Variants in TRPM3 observed in about 807,000 individuals in gnomAD.
The protein encoded by TRPM3 is long transient receptor potential channel 3.
Under a neutral mutation model 181.2 loss-of-function variants are expected in TRPM3, and 77 were observed. The observed-to-expected ratio is 0.42, with a 90% CI of 0.35 to 0.51. TRPM3 has a LOEUF of 0.51. TRPM3 is among the 20% of genes least tolerant of loss of function. TRPM3 has a pLI of 0.01. For missense variants in TRPM3, 1,759 were observed against 2,196.7 expected, an observed-to-expected ratio of 0.80 and a Z score of 3.98; for synonymous variants, 745 against 796.4, an observed-to-expected ratio of 0.94 and a Z score of 1.09.
chr9:70,635,258 G>A lies in TRPM3; in HGVS notation c.1585C>T (p.His529Tyr). The A allele has an allele frequency of 2.5e-6, 4 of 1,613,774 alleles. No individual in the cohort carries two copies. The highest frequency in any genetic ancestry group is 3.4e-6 in the Non-Finnish European group (4 of 1,179,790). The change falls in exon 12 of 26, where the codon CAT (histidine) becomes TAT (tyrosine). Residue 529 changes from histidine to tyrosine, a missense_variant. Physicochemically the swap from His to Tyr is moderately conservative, Grantham distance 83. Around this residue, in one of 8 missense-constraint regions of TRPM3, gnomAD observed 737 missense variants for 957.4 expected, o/e 0.77. Transcript: ENST00000677713. ...SRLEELYNTR[H>Y]GPSNTLYHLV... ...TGGTACAATGTATTTGAGGGCCCAT[G>A]TCTCTGAAAACAATAAAGAAGAATC...
intron 7 of TRPM3, chr9:70,776,273 A>C (rs191269769): frequency 1.3e-5 from 7 of 524,286 alleles, no homozygotes; most frequent in Admixed American, 3.9e-5. Context: ...GTGGGAGGTT[A>C]GGACTCTTTA....
rs1414687868 is a variant in TRPM3 at position 71,150,388 on chromosome 9, A to G, written c.184-285877T>C. 2.0e-5 allele frequency among the ~76,000 whole-genome samples: 3 copies of G among 152,286 alleles called. No homozygotes were observed. In the East Asian group the frequency reaches 5.8e-4, roughly 29 times the overall value. ...TGACCCAGATGAGCAGAGTATATAAATATCTTAACGGGTAAAAATTAAATT... is the reference window on the plus strand; with the variant it reads ...TGACCCAGATGAGCAGAGTATATAAGTATCTTAACGGGTAAAAATTAAATT... On this transcript the variant is annotated intron_variant, in intron 1 of 24. Transcript: ENST00000357533.
chr9:71,380,306 G>T (rs1194261508), intron 1 of TRPM3, among the ~76,000 whole-genome samples: 1 of 151,770 alleles, frequency 6.6e-6, no homozygotes, highest in African/African-American at 2.4e-5. Context: ...AGAAAACAAT[G>T]ATTAAAAAAA....
intron 1 of TRPM3, among the ~76,000 whole-genome samples, chr9:71,199,427 G>A (rs1464491627): frequency 6.6e-6 from 1 of 152,100 alleles, no homozygotes; most frequent in African/African-American, 2.4e-5. Context: ...TCTATGGATT[G>A]GAATAGTTTC....
rs1220456373 is a variant in TRPM3, at chr9:70,537,262, C to T, written c.3851G>A (p.Gly1284Asp). 6.3e-7 allele frequency: 1 copy of T among 1,589,798 alleles called. No homozygotes were observed. Among genetic ancestry groups the T allele is most frequent in the Non-Finnish European group, 8.6e-7 (1 of 1,163,422 alleles). Residue 1284 changes from glycine to aspartate, a missense_variant, in exon 26 of 26, where the codon GGT becomes GAT. By Grantham distance (94) the Gly-to-Asp change is moderately conservative (BLOSUM62 -1). Coordinates refer to ENST00000677713, the MANE Select transcript of TRPM3 (RefSeq NM_001366145.2). The part of the protein sequence containing the change: ...RMATALERLT[G>D]LERAESNKIR... ...TTTGTTGGACTCGGCCCGCTCCAGA[C>T]CTGTCAGGCGCTCCAGGGCCGTGGC... is the stretch of plus-strand genomic sequence containing the variant.
chr9:70,905,503 A>G (rs2096451161), intron 1 of TRPM3, among the ~76,000 whole-genome samples: 1 of 152,228 alleles, frequency 6.6e-6, no homozygotes, highest in African/African-American at 2.4e-5. Flanking sequence ...TAATTATACA[A>G]TTATATTATT....
intron 1 of TRPM3, among the ~76,000 whole-genome samples, chr9:70,909,348 G>A (rs546411995): frequency 6.6e-6 from 1 of 152,266 alleles, no homozygotes; most frequent in Non-Finnish European, 1.5e-5. Flanking sequence ...GCCTTTACAA[G>A]TAGCCTCTAG....
At chr9:70,698,036 C>A (rs927228618) in intron 8 of TRPM3, among the ~76,000 whole-genome samples, 22 of 151,808 alleles carry the variant, frequency 1.4e-4, no homozygotes, top group Admixed American at 1.4e-3. Context: ...GGTGAAACCC[C>A]GACTCTACTA....
At chr9:71,148,933 T>C (rs1055946488) in intron 1 of TRPM3, among the ~76,000 whole-genome samples, 1 of 152,076 alleles carries the variant, frequency 6.6e-6, no homozygotes, top group Non-Finnish European at 1.5e-5. Context: ...GTGATGGTAG[T>C]GACTGTAGGC....
chr9:70,657,550 C>T (rs181857428), intron 9 of TRPM3, among the ~76,000 whole-genome samples: 2 of 152,058 alleles, frequency 1.3e-5, no homozygotes, highest in African/African-American at 4.8e-5. Context: ...ACTGGCCTAA[C>T]AGATTTTATG....
At chr9:71,283,480 T>C (rs2085021059) in intron 1 of TRPM3, among the ~76,000 whole-genome samples, 1 of 151,990 alleles carries the variant, frequency 6.6e-6, no homozygotes, top group African/African-American at 2.4e-5. Flanking sequence ...GCATTTTTTT[T>C]TTCTTAGTAG....
intron 1 of TRPM3, among the ~76,000 whole-genome samples, chr9:70,997,015 C>T (rs997454671): frequency 9.2e-5 from 14 of 152,112 alleles, no homozygotes; most frequent in East Asian, 1.9e-4. Context: ...CTTTGACCAA[C>T]GTCAGTATAT....
At chr9:70,945,642 G>A (rs905643853) in intron 1 of TRPM3, among the ~76,000 whole-genome samples, 4 of 152,000 alleles carry the variant, frequency 2.6e-5, no homozygotes, top group Non-Finnish European at 4.4e-5. Flanking sequence ...TCCCTTCTTT[G>A]GATTTCAGCT....
At chr9:71,242,010 G>A (rs1203492519) in intron 1 of TRPM3, among the ~76,000 whole-genome samples, 2 of 152,226 alleles carry the variant, frequency 1.3e-5, no homozygotes, top group Non-Finnish European at 1.5e-5. Flanking sequence ...ATATATTATT[G>A]CTTTTGGAAG....
chr9:70,999,374 G>C lies in TRPM3; in HGVS notation c.177+121804C>G, dbSNP rs76361248. Among the ~76,000 whole-genome samples, 9 of 152,276 alleles carry C rather than the reference G, an allele frequency of 5.9e-5. No homozygotes were observed. In the East Asian group the frequency reaches 1.7e-3, roughly 29 times the overall value. ...AGGCCAGAATTTAGCATCATTCTTAGAATTTACTAGGACAGGGCACAGCTG... is the reference window on the plus strand; with the variant it reads ...AGGCCAGAATTTAGCATCATTCTTACAATTTACTAGGACAGGGCACAGCTG... On this transcript the variant is annotated intron_variant, in intron 1 of 25. Coordinates refer to ENST00000677713, the MANE Select transcript of TRPM3 (RefSeq NM_001366145.2).
intron 1 of TRPM3, among the ~76,000 whole-genome samples, chr9:71,100,559 A>G (rs1264282585): frequency 2.6e-5 from 4 of 152,192 alleles, no homozygotes; most frequent in Admixed American, 6.6e-5. Flanking sequence ...ACAAAGTAAT[A>G]TAAGTAAAAT....
chr9:71,251,888 T>C (rs1219913839), intron 1 of TRPM3, among the ~76,000 whole-genome samples: 1 of 152,162 alleles, frequency 6.6e-6, no homozygotes, highest in East Asian at 1.9e-4. Flanking sequence ...TAACCATCCT[T>C]CTACTCTCTA....
chr9:70,936,781 A>T (rs2096832508), intron 1 of TRPM3, among the ~76,000 whole-genome samples: 1 of 152,192 alleles, frequency 6.6e-6, no homozygotes, highest in Non-Finnish European at 1.5e-5. Flanking sequence ...CTGTACGTAA[A>T]GTGAAATAAG....
rs116755921 is a variant in TRPM3, at chr9:71,174,619, T to C, written c.183+272034A>G. On this transcript the variant is annotated intron_variant, in intron 1 of 24. Transcript: ENST00000357533. Reference sequence around the variant, plus strand: ...CATATTTTGAGGCATCATGAAAATATAGTTGAGTGTTGAAACTGGGGAATG... The same window carrying C: ...CATATTTTGAGGCATCATGAAAATACAGTTGAGTGTTGAAACTGGGGAATG... Among the ~76,000 whole-genome samples the C allele has an allele frequency of 7.3e-3, 1,105 of 152,052 alleles. 19 individuals carry two copies. Among genetic ancestry groups the C allele is most frequent in the African/African-American group, 0.025 (1,036 of 41,496 alleles).
Sources: gnomAD v4.1 joint callset for allele counts (sites outside exome capture counted in the v4.1 genomes callset) on GRCh38, gnomAD v4.1.1 for gene constraint, gnomAD v4.1.1 regional missense constraint, MANE v1.5 for transcripts, NCBI Gene and HGNC (gene_info 2026-07-23, HGNC 2026-07-21) for gene names.